ACTR3C: variants seen among roughly 807,000 people sequenced by gnomAD.
ACTR3C encodes the protein actin related protein 3C, also known as actin-related protein 3C.
In ACTR3C, 18 loss-of-function variants were observed where a neutral mutation model predicts 26.3. The ratio of observed to expected loss-of-function variants is 0.68; its 90% CI spans 0.47 to 1.01. The LOEUF is 1.01. ACTR3C is among the 50% of genes least tolerant of loss of function. ACTR3C has a pLI of 0.00. For missense variants in ACTR3C, 184 were observed against 250.7 expected, an observed-to-expected ratio of 0.73 and a Z score of 1.80; for synonymous variants, 55 against 94.5, an observed-to-expected ratio of 0.58 and a Z score of 2.42.
chr7:150,307,227 T>C (rs1251842799), intron 1 of ACTR3C, among the ~76,000 whole-genome samples: 3 of 152,252 alleles, frequency 2.0e-5, no homozygotes, highest in Non-Finnish European at 2.9e-5. Flanking sequence ...AAGATGTACA[T>C]TGATTTGGTT....
At chr7:150,115,979 A>G in the ACTR3C span, among the ~76,000 whole-genome samples, 1 of 152,242 alleles carries the variant, frequency 6.6e-6, no homozygotes, top group East Asian at 1.9e-4. Flanking sequence ...TCCTTGCCAC[A>G]GATCACAGCT....
chr7:150,069,807 C>T, the ACTR3C span, among the ~76,000 whole-genome samples: 15 of 149,840 alleles, frequency 1.0e-4, no homozygotes, highest in East Asian at 1.9e-4. Context: ...CAGGCTGGCA[C>T]GCTGGAAACA....
At chr7:149,983,429 T>TTGTATGTATGTGTG in the ACTR3C span, among the ~76,000 whole-genome samples, 2 of 15,600 alleles carry the variant, frequency 1.3e-4, no homozygotes, top group Non-Finnish European at 1.7e-4. Context: ...GGTGTGTGTG[T>TTGTATGTATGTGTG]TGTGTGTATG....
At chr7:150,319,608 A>T (rs11983355) in intron 1 of ACTR3C, among the ~76,000 whole-genome samples, 1 of 152,050 alleles carries the variant, frequency 6.6e-6, no homozygotes, top group African/African-American at 2.4e-5. Context: ...GGTGCCTTTG[A>T]CTTTGGGAAG....
At chr7:150,089,359 A>T in the ACTR3C span, among the ~76,000 whole-genome samples, 2 of 152,326 alleles carry the variant, frequency 1.3e-5, no homozygotes, top group South Asian at 4.1e-4. Context: ...TAGCATCAGG[A>T]ATGTGAGGCT....
the ACTR3C span, among the ~76,000 whole-genome samples, chr7:150,133,887 G>T: frequency 6.6e-6 from 1 of 152,098 alleles, no homozygotes; most frequent in Non-Finnish European, 1.5e-5. Context: ...ACAGGCAGAT[G>T]ACACTAAGCT....
At chr7:150,082,925 C>CT in the ACTR3C span, among the ~76,000 whole-genome samples, 1 of 120,776 alleles carries the variant, frequency 8.3e-6, no homozygotes, top group African/African-American at 3.2e-5. Flanking sequence ...TTCTTTCTTT[C>CT]TTTTTTTTCT....
the ACTR3C span, among the ~76,000 whole-genome samples, chr7:150,211,626 G>A: frequency 1.3e-5 from 2 of 149,628 alleles, no homozygotes; most frequent in Non-Finnish European, 2.9e-5. Flanking sequence ...GGAGCTTGAC[G>A]TGACCCTGAA....
At chr7:150,242,601 G>A (rs11486914), downstream of ACTR3C, among the ~76,000 whole-genome samples, 27,458 of 151,858 alleles carry the variant, frequency 0.18, 4,187 homozygotes, top group African/African-American at 0.41. Flanking sequence ...ACCTATAATA[G>A]TTTGAGTGGT....
chr7:149,920,489 G>A, the ACTR3C span, among the ~76,000 whole-genome samples: 1 of 151,584 alleles, frequency 6.6e-6, no homozygotes. Context: ...TTAGGGGGCA[G>A]GGGGACAGAG....
At chr7:149,904,372 A>G in the ACTR3C span, among the ~76,000 whole-genome samples, 1 of 151,530 alleles carries the variant, frequency 6.6e-6, no homozygotes, top group Non-Finnish European at 1.5e-5. Flanking sequence ...TCTACTAAAA[A>G]TACAAAAATT....
the ACTR3C span, among the ~76,000 whole-genome samples, chr7:150,170,121 G>A: frequency 1.3e-5 from 2 of 149,400 alleles, no homozygotes; most frequent in African/African-American, 5.1e-5. Context: ...GAGCTAAATG[G>A]GAATGATCCA....
At chr7:150,265,000 T>C (rs1446803860) in intron 6 of ACTR3C, 12 of 396,866 alleles carry the variant, frequency 3.0e-5, no homozygotes, top group Non-Finnish European at 3.4e-5. Context: ...CATGGGCTCT[T>C]GTGCATAAGG....
chr7:149,953,951 T>C, the ACTR3C span, among the ~76,000 whole-genome samples: 1 of 139,694 alleles, frequency 7.2e-6, no homozygotes, highest in Non-Finnish European at 1.5e-5. Flanking sequence ...TGAAGGTGTG[T>C]CCAATTCTGA....
At chr7:150,095,483 C>T in the ACTR3C span, among the ~76,000 whole-genome samples, 2 of 150,608 alleles carry the variant, frequency 1.3e-5, no homozygotes, top group Non-Finnish European at 2.9e-5. Flanking sequence ...GAAAGGTCTC[C>T]AAGATGAAAT....
chr7:150,033,685 C>A, the ACTR3C span, among the ~76,000 whole-genome samples: 2 of 151,402 alleles, frequency 1.3e-5, no homozygotes, highest in East Asian at 1.9e-4. Flanking sequence ...GGGGGTGCCT[C>A]CCCCACTTGC....
At chr7:150,168,791 C>G in the ACTR3C span, among the ~76,000 whole-genome samples, 1 of 150,774 alleles carries the variant, frequency 6.6e-6, no homozygotes, top group Non-Finnish European at 1.5e-5. Flanking sequence ...AGAGCCTTTG[C>G]CTGTGATTGC....
the ACTR3C span, among the ~76,000 whole-genome samples, chr7:149,996,494 T>C: frequency 2.0e-5 from 3 of 149,040 alleles, no homozygotes; most frequent in South Asian, 2.2e-4. Context: ...TTCAATTCTA[T>C]GTAAGGACTC....
chr7:149,970,011 A>C, the ACTR3C span, among the ~76,000 whole-genome samples: 2 of 152,156 alleles, frequency 1.3e-5, no homozygotes, highest in Non-Finnish European at 1.5e-5. Flanking sequence ...TTAGAAGTGA[A>C]GAAAATCGGT....
Sources: allele counts gnomAD v4.1 joint callset (sites outside exome capture counted in the v4.1 genomes callset), GRCh38; gene constraint gnomAD v4.1.1; transcripts MANE v1.5; gene names NCBI Gene and HGNC (gene_info 2026-07-23, HGNC 2026-07-21).